CLSTN2: variants seen among roughly 807,000 people sequenced by gnomAD.
The protein encoded by CLSTN2 is calsyntenin 2, also known as calsyntenin-2.
A neutral mutation model predicts 101.2 loss-of-function variants in CLSTN2; 48 were observed. That is an observed-to-expected ratio of 0.47 (90% CI 0.38 to 0.60). The LOEUF (loss-of-function observed/expected upper bound fraction) is 0.60. Ranked by LOEUF, CLSTN2 falls within the 20% of genes least tolerant of loss-of-function variation. CLSTN2 has a pLI of 0.00. For missense variants in CLSTN2, 1,160 were observed against 1,238.2 expected, an observed-to-expected ratio of 0.94 and a Z score of 0.95; for synonymous variants, 481 against 463.6, an observed-to-expected ratio of 1.04 and a Z score of -0.48.
intron 1 of CLSTN2, among the ~76,000 whole-genome samples, chr3:140,113,154 C>T (rs901277605): frequency 2.6e-5 from 4 of 152,178 alleles, no homozygotes; most frequent in South Asian, 2.1e-4. Flanking sequence ...CCATGGAAAT[C>T]GGCAAACACT....
At chr3:140,278,485 C>T (rs192125580) in intron 2 of CLSTN2, among the ~76,000 whole-genome samples, 1 of 152,182 alleles carries the variant, frequency 6.6e-6, no homozygotes, top group African/African-American at 2.4e-5. Flanking sequence ...TCCAGTAACT[C>T]CAGCCCTCCT....
intron 2 of CLSTN2, among the ~76,000 whole-genome samples, chr3:140,323,218 G>C (rs2087301015): frequency 6.6e-6 from 1 of 152,178 alleles, no homozygotes; most frequent in African/African-American, 2.4e-5. Context: ...TTCTTCCTGA[G>C]CACTGGAGTA....
At chr3:140,381,011 A>T (rs896616746) in intron 2 of CLSTN2, among the ~76,000 whole-genome samples, 2 of 152,204 alleles carry the variant, frequency 1.3e-5, no homozygotes, top group Admixed American at 1.3e-4. Flanking sequence ...CCCAACAGAA[A>T]TGTTTTGTGC....
At chr3:139,961,938 A>G (rs1203938727) in intron 1 of CLSTN2, among the ~76,000 whole-genome samples, 3 of 152,242 alleles carry the variant, frequency 2.0e-5, no homozygotes, top group African/African-American at 4.8e-5. Flanking sequence ...ACACTAGCAC[A>G]TAAGTATTTT....
intron 1 of CLSTN2, among the ~76,000 whole-genome samples, chr3:139,996,146 A>G (rs968469881): frequency 6.6e-6 from 1 of 152,228 alleles, no homozygotes; most frequent in Non-Finnish European, 1.5e-5. Flanking sequence ...TTAATCATAC[A>G]TAATACCTTT....
chr3:140,002,565 T>C (rs1343634077), intron 1 of CLSTN2, among the ~76,000 whole-genome samples: 1 of 152,206 alleles, frequency 6.6e-6, no homozygotes, highest in Non-Finnish European at 1.5e-5. Flanking sequence ...TTTAATTTGA[T>C]GTGATCTCAT....
At chr3:140,294,197 C>A (rs529807965) in intron 2 of CLSTN2, among the ~76,000 whole-genome samples, 3 of 152,142 alleles carry the variant, frequency 2.0e-5, no homozygotes, top group African/African-American at 4.8e-5. Flanking sequence ...CTAGCTTCTG[C>A]GAGCCTCAGC....
At chr3:140,128,996 C>T (rs1349883305) in intron 1 of CLSTN2, among the ~76,000 whole-genome samples, 1 of 152,048 alleles carries the variant, frequency 6.6e-6, no homozygotes, top group Non-Finnish European at 1.5e-5. Flanking sequence ...AGTGTTTCGA[C>T]AGTTAGGAGA....
intron 1 of CLSTN2, among the ~76,000 whole-genome samples, chr3:140,012,590 C>T (rs1329844866): frequency 6.6e-6 from 1 of 152,140 alleles, no homozygotes; most frequent in Non-Finnish European, 1.5e-5. Flanking sequence ...AAAATCTTTC[C>T]CAGACTCCCC....
intron 2 of CLSTN2, among the ~76,000 whole-genome samples, chr3:140,361,716 A>G (rs62268027): frequency 0.077 from 11,704 of 152,254 alleles, 540 homozygotes; most frequent in Middle Eastern, 0.12. Context: ...AAATTTTAAA[A>G]CTGACATTCA....
intron 1 of CLSTN2, among the ~76,000 whole-genome samples, chr3:140,021,887 C>T (rs1337071940): frequency 6.6e-6 from 1 of 152,182 alleles, no homozygotes; most frequent in Non-Finnish European, 1.5e-5. Flanking sequence ...TGATGCCATC[C>T]AACACACTCA....
chr3:140,240,946 G>A (rs1230439904), intron 2 of CLSTN2, among the ~76,000 whole-genome samples: 1 of 152,082 alleles, frequency 6.6e-6, no homozygotes, highest in Admixed American at 6.5e-5. Context: ...GTGGGGAGTG[G>A]CATGTATCGA....
At chr3:139,996,668 T>A (rs919424068) in intron 1 of CLSTN2, among the ~76,000 whole-genome samples, 2 of 152,198 alleles carry the variant, frequency 1.3e-5, no homozygotes, top group African/African-American at 4.8e-5. Flanking sequence ...ATTCTCATGG[T>A]CTTTATTTTT....
intron 1 of CLSTN2, among the ~76,000 whole-genome samples, chr3:140,048,976 A>G (rs540583936): frequency 6.6e-6 from 1 of 152,222 alleles, no homozygotes; most frequent in African/African-American, 2.4e-5. Flanking sequence ...AGGTGGCCCC[A>G]ATGAGCACCT....
intron 10 of CLSTN2, 136 bp downstream of exon 10, chr3:140,546,817 C>T (rs751805248): frequency 7.3e-5 from 55 of 755,050 alleles, no homozygotes; most frequent in African/African-American, 7.1e-4. Context: ...GGTGCAGCCA[C>T]GAGATGGGGG....
In CLSTN2 at chr3:140,376,567, G is replaced by C. The variant is rs201299928; in HGVS notation, c.233-27062G>C. ...AGAATTCTAAGTCTTCCTTCTGATA[G>C]GTAAACTCTACATGGATTTTGCTTT... On this transcript the variant is annotated intron_variant, in intron 2 of 16. Coordinates refer to ENST00000458420, the MANE Select transcript of CLSTN2 (RefSeq NM_022131.3). Among the ~76,000 whole-genome samples the C allele has an allele frequency of 5.9e-5, 9 of 152,304 alleles. No homozygotes were observed. The East Asian group carries it at 1.7e-3, about 29-fold the overall frequency.
At chr3:140,019,852 G>A (rs1263059336) in intron 1 of CLSTN2, among the ~76,000 whole-genome samples, 1 of 152,186 alleles carries the variant, frequency 6.6e-6, no homozygotes, top group East Asian at 1.9e-4. Context: ...GTTCATGAGA[G>A]TCAGAGTGGG....
chr3:140,026,175 G>C lies in CLSTN2; in HGVS notation c.109+90692G>C, dbSNP rs2007416180. ...AGTATTCTTGACATGAGGATATGTG[G>C]CTATGGAAAACATTGGAGTTGGGGA... On this transcript the variant is annotated intron_variant, in intron 1 of 16. Transcript: ENST00000458420. Among the ~76,000 whole-genome samples the C allele has an allele frequency of 2.6e-5, 4 of 152,128 alleles. No homozygotes were observed. In the South Asian group the frequency reaches 8.3e-4, roughly 32 times the overall value.
intron 2 of CLSTN2, among the ~76,000 whole-genome samples, chr3:140,181,234 TTAAG>T (rs999621110): frequency 7.9e-5 from 12 of 152,192 alleles, no homozygotes; most frequent in Admixed American, 6.5e-4. Flanking sequence ...AATATGTAGA[TTAAG>T]TAAGATACTA....
Sources: allele counts gnomAD v4.1 joint callset (sites outside exome capture counted in the v4.1 genomes callset), GRCh38; gene constraint gnomAD v4.1.1; transcripts MANE v1.5; gene names NCBI Gene and HGNC (gene_info 2026-07-23, HGNC 2026-07-21).